ALX4: variants seen among roughly 807,000 people sequenced by gnomAD.
ALX4 encodes the protein ALX homeobox 4.
A neutral mutation model predicts 40.6 loss-of-function variants in ALX4; 22 were observed. The observed-to-expected ratio is 0.54, with a 90% CI of 0.39 to 0.77. ALX4 has a LOEUF of 0.77. Ranked by LOEUF, ALX4 falls within the 30% of genes least tolerant of loss-of-function variation. ALX4 has a pLI of 0.00. For synonymous variants in ALX4, 266 were observed against 240.5 expected, an observed-to-expected ratio of 1.11 and a Z score of -0.98; for missense variants, 556 against 564.8, an observed-to-expected ratio of 0.98 and a Z score of 0.16.
chr11:44,304,018 G>C (rs1309571194), intron 1 of ALX4, among the ~76,000 whole-genome samples: 2 of 152,220 alleles, frequency 1.3e-5, no homozygotes, highest in East Asian at 3.9e-4. Context: ...AGCTGGGAAG[G>C]CTCACTGGCT....
In ALX4 at chr11:44,290,171, C is replaced by T. The variant is rs188182866; in HGVS notation, c.467-14513G>A. Among the ~76,000 whole-genome samples the T allele has an allele frequency of 6.6e-5, 10 of 152,342 alleles. No homozygotes were observed. The East Asian group carries it at 1.7e-3, about 27-fold the overall frequency. On this transcript the variant is annotated intron_variant, in intron 1 of 3. Coordinates refer to ENST00000652299, the MANE Select transcript of ALX4 (RefSeq NM_021926.4). The stretch of plus-strand genomic sequence containing the variant: ...CCAAGACATCTCTCACTTAATTCCC[C>T]CAAGCCTCTGTTTCCCTTCTGTAGC...
At chr11:44,289,806 C>T (rs919127298) in intron 1 of ALX4, among the ~76,000 whole-genome samples, 1 of 152,170 alleles carries the variant, frequency 6.6e-6, no homozygotes, top group African/African-American at 2.4e-5. Flanking sequence ...AGCTTCTCTC[C>T]TCAAGGAGGC....
chr11:44,309,226 C>T (rs550106076), intron 1 of ALX4, among the ~76,000 whole-genome samples: 1 of 151,706 alleles, frequency 6.6e-6, no homozygotes, highest in South Asian at 2.1e-4. Flanking sequence ...AGCCCCGCAG[C>T]CCAGCGCCAG....
intron 1 of ALX4, among the ~76,000 whole-genome samples, chr11:44,296,605 GAAAC>G (rs1424755327): frequency 6.6e-6 from 1 of 152,132 alleles, no homozygotes; most frequent in African/African-American, 2.4e-5. Flanking sequence ...GAAGAACAAG[GAAAC>G]AAACAACCCC....
intron 1 of ALX4, among the ~76,000 whole-genome samples, chr11:44,297,031 AG>A (rs921271209): frequency 1.5e-4 from 19 of 122,802 alleles, no homozygotes; most frequent in African/African-American, 4.6e-4. Flanking sequence ...AAAAAAAAAA[AG>A]GTACCTACAG....
At chr11:44,295,065 G>T (rs2119864552) in intron 1 of ALX4, among the ~76,000 whole-genome samples, 1 of 152,164 alleles carries the variant, frequency 6.6e-6, no homozygotes, top group East Asian at 1.9e-4. Context: ...TGGCCAGGCT[G>T]GTCTCAAACT....
rs1410017760 is a variant in ALX4, at chr11:44,310,021, G to A, written c.42C>T (p.Ala14=). 28 of 1,602,896 alleles carry A rather than the reference G, an allele frequency of 1.7e-5. No homozygotes were observed. Among genetic ancestry groups the A allele is most frequent in the Non-Finnish European group, 2.3e-5 (27 of 1,175,084 alleles). ...GGCTGTAGTAGGCGTCCATGGCAGCGGCCGGCGACTCGCAGTAAGAGACGC... is the reference window on the plus strand; with the variant it reads ...GGCTGTAGTAGGCGTCCATGGCAGCAGCCGGCGACTCGCAGTAAGAGACGC... The part of the protein sequence containing the change: ...ETCVSYCESP[A]AAMDAYYSPV... Residue 14 remains alanine (A), a synonymous_variant, in exon 1 of 4, where the codon GCC becomes GCT. Transcript: ENST00000652299.
chr11:44,269,836 A>G (rs533345758), intron 2 of ALX4, among the ~76,000 whole-genome samples: 1 of 152,148 alleles, frequency 6.6e-6, no homozygotes, highest in East Asian at 1.9e-4. Flanking sequence ...TTTCATGTTT[A>G]ATTTCCTGCA....
intron 2 of ALX4, among the ~76,000 whole-genome samples, chr11:44,268,268 A>G (rs1459614703): frequency 1.3e-5 from 2 of 152,222 alleles, no homozygotes; most frequent in Non-Finnish European, 2.9e-5. Context: ...GAGGAAAGCC[A>G]AGGCCTAGGT....
At position 44,262,821 on chromosome 11, in the gene ALX4, C is replaced by A. The variant is rs1956190508; in HGVS notation, c.*2033G>T. 2 of 152,170 alleles carry A rather than the reference C, an allele frequency of 1.3e-5. No homozygotes were observed. The highest frequency in any genetic ancestry group is 1.3e-4 in the Admixed American group (2 of 15,284). 9.4% of individuals were successfully genotyped at this position (152,170 alleles called of 1,614,324 possible). On this transcript the variant is annotated 3_prime_UTR_variant, in exon 4 of 4. Transcript: ENST00000652299. ...GGGAAACTGTTCCCAGCCTTAAGTT[C>A]TTCCTTTCCCTGGCTAGATTTTGGG...
At chr11:44,303,359 T>TC (rs1464630106) in intron 1 of ALX4, among the ~76,000 whole-genome samples, 1 of 152,078 alleles carries the variant, frequency 6.6e-6, no homozygotes, top group Non-Finnish European at 1.5e-5. Context: ...GACCAAGCGG[T>TC]CCCGAGTACA....
intron 1 of ALX4, among the ~76,000 whole-genome samples, chr11:44,292,109 G>A (rs1368250906): frequency 6.6e-6 from 1 of 151,926 alleles, no homozygotes; most frequent in African/African-American, 2.4e-5. Flanking sequence ...GAGCCACCTC[G>A]CCTGGCCCAA....
intron 1 of ALX4, among the ~76,000 whole-genome samples, chr11:44,278,265 G>A (rs1463581015): frequency 2.0e-5 from 3 of 151,204 alleles, no homozygotes; most frequent in African/African-American, 4.9e-5. Context: ...TTTAACTGGG[G>A]GGAAACTGAG....
intron 1 of ALX4, among the ~76,000 whole-genome samples, chr11:44,304,160 C>A (rs978882677): frequency 1.3e-5 from 2 of 152,230 alleles, no homozygotes; most frequent in African/African-American, 4.8e-5. Context: ...TAGCCGGGTC[C>A]TCGCAGTGTT....
chr11:44,302,175 C>T lies in ALX4; in HGVS notation c.466+7422G>A, dbSNP rs534417475. On this transcript the variant is annotated intron_variant, in intron 1 of 3. Transcript: ENST00000652299. ...GACCCAGAGAAGCTCCAGAGCCGTG[C>T]ACACGGGTACTCACCCTTGCACACC... is the stretch of plus-strand genomic sequence containing the variant. Among the ~76,000 whole-genome samples the T allele has an allele frequency of 4.6e-5, 7 of 152,244 alleles. No homozygotes were observed. In the East Asian group the frequency reaches 1.2e-3, roughly 25 times the overall value.
chr11:44,280,690 T>A (rs546289019), intron 1 of ALX4, among the ~76,000 whole-genome samples: 2 of 152,326 alleles, frequency 1.3e-5, no homozygotes, highest in African/African-American at 4.8e-5. Context: ...TGAACCTACA[T>A]CACTGAGAGC....
chr11:44,265,497 T>C (rs556811142), intron 3 of ALX4, among the ~76,000 whole-genome samples: 14 of 152,256 alleles, frequency 9.2e-5, no homozygotes, highest in African/African-American at 3.4e-4. Context: ...TAGACTCAAC[T>C]GTAGACTTGG....
chr11:44,291,015 G>T (rs1247720707), intron 1 of ALX4, among the ~76,000 whole-genome samples: 1 of 152,126 alleles, frequency 6.6e-6, no homozygotes, highest in Non-Finnish European at 1.5e-5. Context: ...ACCCCCACCT[G>T]CTTCCTTCCC....
chr11:44,309,094 G>A (rs1230322276), intron 1 of ALX4, among the ~76,000 whole-genome samples: 1 of 152,048 alleles, frequency 6.6e-6, no homozygotes, highest in Admixed American at 6.5e-5. Context: ...TCTCACCTGC[G>A]GCGGCGCCGC....
Sources: gnomAD v4.1 joint callset for allele counts (sites outside exome capture counted in the v4.1 genomes callset) on GRCh38, gnomAD v4.1.1 for gene constraint, MANE v1.5 for transcripts, NCBI Gene and HGNC (gene_info 2026-07-23, HGNC 2026-07-21) for gene names.